The following GGA2 variants were observed in gnomAD, a reference collection of about 807,000 sequenced individuals.
The protein encoded by GGA2 is golgi associated, gamma adaptin ear containing, ARF binding protein 2.
GGA2 carries 48 observed loss-of-function variants against 79.5 expected under a neutral mutation model. The ratio of observed to expected loss-of-function variants is 0.60; its 90% CI spans 0.48 to 0.77. The LOEUF is 0.77. Among genes scored for constraint, GGA2 ranks in the 30% least tolerant of loss-of-function variants. The probability of loss-of-function intolerance (pLI) is 0.00; values close to 1 mark genes in which losing one functional copy is unlikely to be tolerated. For missense variants in GGA2, 770 were observed against 774.0 expected (o/e 0.99, Z 0.06); for synonymous variants, 317 against 302.0 (o/e 1.05, Z -0.51).
At chr16:23,510,292 C>CACA (rs1300572701) in intron 1 of GGA2, 29 bp downstream of exon 1, 2 of 1,383,384 alleles carry the variant, frequency 1.4e-6, no homozygotes, top group Non-Finnish European at 1.9e-6. Context: ...GGCGCAGCGG[C>CACA]TGCGCCGAAG....
At chr16:23,517,806 A>G (rs1418893726) in intron 2 of GGA2, among the ~76,000 whole-genome samples, 1 of 152,158 alleles carries the variant, frequency 6.6e-6, no homozygotes, top group South Asian at 2.1e-4. Context: ...TCACTGTGTT[A>G]GCCAGGATGG....
intron 14 of GGA2, among the ~76,000 whole-genome samples, chr16:23,472,825 G>C (rs982273103): frequency 6.6e-6 from 1 of 152,014 alleles, no homozygotes; most frequent in Non-Finnish European, 1.5e-5. Flanking sequence ...ACGAGGTCAA[G>C]AGATCGAGAC....
intron 1 of GGA2, among the ~76,000 whole-genome samples, chr16:23,507,244 G>A (rs1472074917): frequency 3.3e-5 from 5 of 152,116 alleles, no homozygotes; most frequent in African/African-American, 1.2e-4. Flanking sequence ...GGTTCTAGCC[G>A]TTCCTGAAAA....
intron 1 of GGA2, chr16:23,501,219 T>G (rs952608768): frequency 9.6e-5 from 43 of 450,136 alleles, no homozygotes; most frequent in Non-Finnish European, 1.7e-4. Flanking sequence ...CCATGTGCAA[T>G]CGTAGCTTTG....
chr16:23,485,894 G>T (rs953162068), intron 8 of GGA2, 121 bp downstream of exon 8: 16 of 871,510 alleles, frequency 1.8e-5, no homozygotes, highest in Non-Finnish European at 2.4e-5. Context: ...CGACATTTGG[G>T]GAGGTGTCAG....
rs1017315336 is a variant in GGA2, at chr16:23,464,595, T to C, written c.*2995A>G. 2 of 150,724 alleles carry C rather than the reference T, an allele frequency of 1.3e-5. No individual in the cohort carries two copies. The highest frequency in any genetic ancestry group is 4.9e-5 in the African/African-American group (2 of 41,014). The allele number at this position is 150,724 out of a possible 1,614,324, so 9.3% of individuals were successfully genotyped here. On this transcript the variant is annotated 3_prime_UTR_variant, in exon 17 of 17. Coordinates refer to ENST00000309859, the MANE Select transcript of GGA2 (RefSeq NM_015044.4). ...CAAATCAGAGCAGTGGCAATGTAAG[T>C]GCAGGGAGGACATGATGTGGGATTA...
At chr16:23,510,124 C>A (rs2142147268) in intron 1 of GGA2, among the ~76,000 whole-genome samples, 197 bp downstream of exon 1, 1 of 150,948 alleles carries the variant, frequency 6.6e-6, no homozygotes, top group African/African-American at 2.4e-5. Flanking sequence ...CAGAAGGGGG[C>A]CGCTGCCCCG....
Position 23,510,466 on chromosome 16 carries a change from G to A in GGA2, c.-55C>T, listed in dbSNP as rs1965029167. 1.6e-6 allele frequency: 1 copy of A among 627,502 alleles called. No homozygotes were observed. Among genetic ancestry groups the A allele is most frequent in the Middle Eastern group, 4.9e-4 (1 of 2,026 alleles). 38.9% of individuals were successfully genotyped at this position (627,502 alleles called of 1,614,324 possible). ...CGCCACTGCCTCTTCAGCCGCTGTA[G>A]CGTCCTGGCGCTCTCCTCTGCTGAC... is the stretch of plus-strand genomic sequence containing the variant. On this transcript the variant is annotated 5_prime_UTR_variant, in exon 1 of 17. Transcript: ENST00000309859.
At chr16:23,513,322 TTC>T (rs1157459779), upstream of GGA2, among the ~76,000 whole-genome samples, 1 of 152,118 alleles carries the variant, frequency 6.6e-6, no homozygotes, top group Non-Finnish European at 1.5e-5. Context: ...AGAGCAAAGG[TTC>T]TCTGACCTCC....
At chr16:23,514,103 CT>C (rs879933447), upstream of GGA2, among the ~76,000 whole-genome samples, 174 of 146,096 alleles carry the variant, frequency 1.2e-3, no homozygotes, top group Admixed American at 1.6e-3. Flanking sequence ...CAACATAAAA[CT>C]TTTTTTTTTT....
intron 1 of GGA2, among the ~76,000 whole-genome samples, chr16:23,520,112 G>A (rs943634761): frequency 7.2e-5 from 11 of 151,962 alleles, no homozygotes; most frequent in South Asian, 6.2e-4. Flanking sequence ...TGGCTATGGC[G>A]GCACATGGCA....
At chr16:23,484,721 G>A (rs1490981378) in intron 8 of GGA2, among the ~76,000 whole-genome samples, 1 of 152,214 alleles carries the variant, frequency 6.6e-6, no homozygotes, top group Non-Finnish European at 1.5e-5. Flanking sequence ...AACAGCAAAT[G>A]TTGGCAGGAT....
At chr16:23,507,630 T>C (rs1567370992) in intron 1 of GGA2, among the ~76,000 whole-genome samples, 1 of 148,612 alleles carries the variant, frequency 6.7e-6, no homozygotes, top group Non-Finnish European at 1.5e-5. Flanking sequence ...CATCTCTCTC[T>C]CTCTCTCTCA....
chr16:23,520,888 T>C (rs1323235863), intron 1 of GGA2, among the ~76,000 whole-genome samples: 1 of 151,610 alleles, frequency 6.6e-6, no homozygotes, highest in Non-Finnish European at 1.5e-5. Flanking sequence ...TCTGTGGGGG[T>C]TCAAGTAATT....
rs1339902844 is a variant in GGA2 at position 23,466,051 on chromosome 16, T to C, written c.*1539A>G. 3.9e-5 allele frequency: 6 copies of C among 152,316 alleles called. No individual in the cohort carries two copies. The highest frequency in any genetic ancestry group is 1.2e-4 in the African/African-American group (5 of 41,462). The allele number at this position is 152,316 out of a possible 1,614,324, so 9.4% of individuals were successfully genotyped here. ...ATCACCCCACTGTTTACCTGTTTTA[T>C]GAGTTTTTACATTTGCTTAAAATTA... On this transcript the variant is annotated 3_prime_UTR_variant, in exon 17 of 17. Transcript: ENST00000309859.
chr16:23,477,927 C>A (rs1037078548), intron 13 of GGA2, among the ~76,000 whole-genome samples: 1 of 152,052 alleles, frequency 6.6e-6, no homozygotes, highest in African/African-American at 2.4e-5. Context: ...CTGCACCTGG[C>A]CTAAACTTTC....
At chr16:23,508,683 A>G (rs1567371310) in intron 1 of GGA2, among the ~76,000 whole-genome samples, 1 of 152,062 alleles carries the variant, frequency 6.6e-6, no homozygotes, top group Non-Finnish European at 1.5e-5. Context: ...CTCTGCTCTT[A>G]ATATACGCAA....
chr16:23,522,301 A>G (rs1965152160), upstream of GGA2: 1 of 157,564 alleles, frequency 6.3e-6, no homozygotes, highest in African/African-American at 2.4e-5. Context: ...CCCAACAGAT[A>G]CTTGCTCCTC....
chr16:23,466,840 C>G lies in GGA2; in HGVS notation c.*750G>C, dbSNP rs1051097388. 4 of 152,904 alleles carry G rather than the reference C, an allele frequency of 2.6e-5. No homozygotes were observed. Among genetic ancestry groups the G allele is most frequent in the African/African-American group, 9.6e-5 (4 of 41,472 alleles). The allele number at this position is 152,904 out of a possible 1,614,324, so 9.5% of individuals were successfully genotyped here. A position where few individuals can be genotyped will look rare whatever the true frequency, so the allele number is the denominator to read the frequency against. On this transcript the variant is annotated 3_prime_UTR_variant, in exon 17 of 17. Coordinates refer to ENST00000309859, the MANE Select transcript of GGA2 (RefSeq NM_015044.4). The stretch of plus-strand genomic sequence containing the variant: ...CTGAGAAGGGCCCAGACTGGCTGCC[C>G]AACCCATGGACCTGAGGCCTGAGTA...
Sources: allele counts gnomAD v4.1 joint callset (sites outside exome capture counted in the v4.1 genomes callset), GRCh38; gene constraint gnomAD v4.1.1; transcripts MANE v1.5; gene names NCBI Gene and HGNC (gene_info 2026-07-23, HGNC 2026-07-21).